Variants in PPARA observed in about 807,000 individuals in gnomAD.
The protein encoded by PPARA is peroxisome proliferator-activated receptor alpha.
A neutral mutation model predicts 42.2 loss-of-function variants in PPARA; 22 were observed. The ratio of observed to expected loss-of-function variants is 0.52; its 90% CI spans 0.37 to 0.74. PPARA has a LOEUF of 0.74. Among genes scored for constraint, PPARA ranks in the 30% least tolerant of loss-of-function variants. The probability of loss-of-function intolerance (pLI) is 0.00; values close to 1 mark genes in which losing one functional copy is unlikely to be tolerated. For synonymous variants in PPARA, 242 were observed against 239.3 expected (o/e 1.01, Z -0.10); for missense variants, 465 against 608.2 (o/e 0.76, Z 2.48).
At chr22:46,223,110 C>T (rs187309340) in intron 7 of PPARA, among the ~76,000 whole-genome samples, 9 of 152,254 alleles carry the variant, frequency 5.9e-5, no homozygotes, top group South Asian at 4.1e-4. Flanking sequence ...GAGCCACGAT[C>T]GCGCCACTGC....
rs5767700 is a variant in PPARA, at chr22:46,216,775, T to C, written c.369+1442T>C. Among the ~76,000 whole-genome samples the C allele has an allele frequency of 0.24, 37,097 of 152,158 alleles. 4,741 individuals are homozygous for C. The highest frequency in any genetic ancestry group is 0.33 in the African/African-American group (13,824 of 41,512). ...AGGCAGGCCCTGTTGTCCTGCATGCTGCCAGCTGGACTGGTGGCCCTTCCG... is the reference window on the plus strand; with the variant it reads ...AGGCAGGCCCTGTTGTCCTGCATGCCGCCAGCTGGACTGGTGGCCCTTCCG... On this transcript the variant is annotated intron_variant, in intron 5 of 8. Coordinates refer to ENST00000407236, the MANE Select transcript of PPARA (RefSeq NM_005036.6). The surrounding 1 kb of genome is among the most constrained non-coding windows in gnomAD (Gnocchi z 4.5).
At chr22:46,174,011 C>T (rs1928516527) in intron 2 of PPARA, among the ~76,000 whole-genome samples, 1 of 42,824 alleles carries the variant, frequency 2.3e-5, no homozygotes, top group Non-Finnish European at 4.1e-5. Flanking sequence ...GAGACCCTCT[C>T]TACTAAAATA....
At chr22:46,178,210 C>T (rs1469919913) in intron 3 of PPARA, among the ~76,000 whole-genome samples, 2 of 152,162 alleles carry the variant, frequency 1.3e-5, no homozygotes, top group Non-Finnish European at 2.9e-5. Context: ...TTCTATCTGT[C>T]AGAAGGTGAC....
chr22:46,197,508 G>C (rs975539459), intron 3 of PPARA, among the ~76,000 whole-genome samples: 1 of 152,190 alleles, frequency 6.6e-6, no homozygotes, highest in African/African-American at 2.4e-5. Flanking sequence ...CTTTCTCAGC[G>C]TGCTGATCAA....
intron 7 of PPARA, among the ~76,000 whole-genome samples, chr22:46,226,888 A>G (rs1469575189): frequency 6.6e-6 from 1 of 152,120 alleles, no homozygotes; most frequent in East Asian, 1.9e-4. Flanking sequence ...AAAAGAAAAA[A>G]AAAGTTGAGC....
chr22:46,162,647 AC>A lies in PPARA; in HGVS notation c.-127+10678del, dbSNP rs755888629. On this transcript the variant is annotated intron_variant, in intron 2 of 8. Coordinates refer to ENST00000407236, the MANE Select transcript of PPARA (RefSeq NM_005036.6). The surrounding 1 kb of genome is among the most constrained non-coding windows in gnomAD (Gnocchi z 6.0). ...GTGAGGCCAGAGTCCTTGGCTCATC[AC>A]TCATGGTTGAACCCGGAGCCTCTTG... 2.0e-5 allele frequency among the ~76,000 whole-genome samples: 3 copies of A among 151,908 alleles called. No homozygotes were observed. Among genetic ancestry groups the A allele is most frequent in the Non-Finnish European group, 4.4e-5 (3 of 67,990 alleles).
intron 3 of PPARA, among the ~76,000 whole-genome samples, chr22:46,185,566 T>C (rs984241494): frequency 1.3e-5 from 2 of 151,914 alleles, no homozygotes; most frequent in African/African-American, 2.4e-5. Flanking sequence ...AATCTAAAAA[T>C]TGAAGAAGAA....
intron 3 of PPARA, among the ~76,000 whole-genome samples, chr22:46,177,224 A>AAAT (rs750690685): frequency 6.6e-6 from 1 of 151,976 alleles, no homozygotes; most frequent in Non-Finnish European, 1.5e-5. Context: ...AAATAAAATA[A>AAAT]AATAAAATAA....
rs1414965205 is a variant in PPARA, at chr22:46,232,806, T to C, written c.1159+567T>C. 1.3e-5 allele frequency among the ~76,000 whole-genome samples: 2 copies of C among 148,208 alleles called. No individual in the cohort carries two copies. Among genetic ancestry groups the C allele is most frequent in the Admixed American group, 1.4e-4 (2 of 14,814 alleles). ...GCCTGGGCAACATGGCAAGACCCCG[T>C]CTCTACAAAAAAAAAAATAGAAAAA... On this transcript the variant is annotated intron_variant, in intron 8 of 8. Transcript: ENST00000407236. This position sits in a 1 kb window ranked among gnomAD's most constrained non-coding sequence, Gnocchi z 5.3.
Position 46,219,832 on chromosome 22 carries a change from C to T in PPARA, c.529C>T (p.Pro177Ser). Residue 177 changes from proline to serine, a missense_variant, in exon 7 of 9, where the codon CCA becomes TCA. Coordinates refer to ENST00000407236, the MANE Select transcript of PPARA (RefSeq NM_005036.6). The surrounding 1 kb of genome is among the most constrained non-coding windows in gnomAD (Gnocchi z 4.8). The stretch of plus-strand genomic sequence containing the variant: ...CCTAGCGATTCGTTTTGGACGAATG[C>T]CAAGATCTGAGAAAGCAAAACTGAA... ...SHNAIRFGRM[P>S]RSEKAKLKAE... 1 of 1,614,190 alleles carries T rather than the reference C, an allele frequency of 6.2e-7. No homozygotes were observed. Among genetic ancestry groups the T allele is most frequent in the Non-Finnish European group, 8.5e-7 (1 of 1,180,034 alleles).
chr22:46,177,028 G>A (rs1929200966), intron 3 of PPARA, among the ~76,000 whole-genome samples, 192 bp downstream of exon 3: 1 of 152,154 alleles, frequency 6.6e-6, no homozygotes, highest in South Asian at 2.1e-4. Context: ...GGCTAACACA[G>A]TGAAACCCTG....
rs1936248288 is a variant in PPARA, at chr22:46,237,296, C to T, written c.*1916C>T. On this transcript the variant is annotated 3_prime_UTR_variant, in exon 9 of 9. Transcript: ENST00000407236. The surrounding 1 kb of genome is among the most constrained non-coding windows in gnomAD (Gnocchi z 6.7). ...TTTTTTAAAAATTACAAATTTAGTC[C>T]GTTTTGGTTTTTGTAATCAGGCTAG... 1 of 151,982 alleles carries T rather than the reference C, an allele frequency of 6.6e-6. No individual in the cohort carries two copies. Among genetic ancestry groups the T allele is most frequent in the South Asian group, 2.1e-4 (1 of 4,822 alleles). 9.4% of individuals were successfully genotyped at this position (151,982 alleles called of 1,614,324 possible).
chr22:46,174,845 C>T (rs1174505932), intron 2 of PPARA, among the ~76,000 whole-genome samples: 1 of 152,072 alleles, frequency 6.6e-6, no homozygotes, highest in Non-Finnish European at 1.5e-5. Context: ...AAAATCACTC[C>T]TAATTTTCCT....
chr22:46,231,854 G>A lies in PPARA; in HGVS notation c.774G>A (p.Leu258=), dbSNP rs188672627. 3.1e-6 allele frequency: 5 copies of A among 1,613,974 alleles called. No homozygotes were observed. Among genetic ancestry groups the A allele is most frequent in the Admixed American group, 1.7e-5 (1 of 60,006 alleles). Residue 258 remains leucine, a synonymous_variant, in exon 8 of 9, where the codon CTG becomes CTA. Coordinates refer to ENST00000407236, the MANE Select transcript of PPARA (RefSeq NM_005036.6). The surrounding 1 kb of genome is among the most constrained non-coding windows in gnomAD (Gnocchi z 7.7). The part of the protein sequence containing the change: ...CMAEKTLVAK[L]VANGIQNKEA... ...CTGAGAAGACGCTGGTGGCCAAGCT[G>A]GTGGCCAATGGCATCCAGAACAAGG... is the stretch of plus-strand genomic sequence containing the variant.
At position 46,227,971 on chromosome 22, in the gene PPARA, A is replaced by T. The variant is rs1935588809; in HGVS notation, c.712-3821A>T. Among the ~76,000 whole-genome samples, 1 of 152,200 alleles carries T rather than the reference A, an allele frequency of 6.6e-6. No individual in the cohort carries two copies. The highest frequency in any genetic ancestry group is 1.5e-5 in the Non-Finnish European group (1 of 68,046). Reference sequence around the variant, plus strand: ...AGCTTTAATAAACATTGGTTTCTTCATGGTACCACTCATTTTGAATTCAGT... The same window carrying T: ...AGCTTTAATAAACATTGGTTTCTTCTTGGTACCACTCATTTTGAATTCAGT... On this transcript the variant is annotated intron_variant, in intron 7 of 8. Coordinates refer to ENST00000407236, the MANE Select transcript of PPARA (RefSeq NM_005036.6). This position sits in a 1 kb window ranked among gnomAD's most constrained non-coding sequence, Gnocchi z 4.3.
rs1936360168 is a variant in PPARA, at chr22:46,241,138, C to T, written c.*5758C>T. ...CCGAGTCCATGGCCTTTGCCCAGGG[C>T]ATGTACTCCCCTGAGAGGCCTTCTG... On this transcript the variant is annotated 3_prime_UTR_variant, in exon 9 of 9. Transcript: ENST00000407236. The surrounding 1 kb of genome is among the most constrained non-coding windows in gnomAD (Gnocchi z 5.7). 1.3e-5 allele frequency: 2 copies of T among 152,396 alleles called. No individual in the cohort carries two copies. The highest frequency in any genetic ancestry group is 4.1e-4 in the South Asian group (2 of 4,832). 9.4% of individuals were successfully genotyped at this position (152,396 alleles called of 1,614,324 possible). A position where few individuals can be genotyped will look rare whatever the true frequency, so the allele number is the denominator to read the frequency against.
rs543758270 is a variant in PPARA at position 46,231,641 on chromosome 22, T to C, written c.712-151T>C. 9 of 763,498 alleles carry C rather than the reference T, an allele frequency of 1.2e-5. No homozygotes were observed. Among genetic ancestry groups the C allele is most frequent in the Admixed American group, 6.7e-5 (3 of 45,104 alleles). 47.3% of individuals were successfully genotyped at this position (763,498 alleles called of 1,614,324 possible). A position where few individuals can be genotyped will look rare whatever the true frequency, so the allele number is the denominator to read the frequency against. On this transcript the variant is annotated intron_variant, in intron 7 of 8. Coordinates refer to ENST00000407236, the MANE Select transcript of PPARA (RefSeq NM_005036.6). The surrounding 1 kb of genome is among the most constrained non-coding windows in gnomAD (Gnocchi z 7.7). The stretch of plus-strand genomic sequence containing the variant: ...TTATTTTCCCCAACCGATTTTGAAG[T>C]TGAGTAAGGACTATGTTCCGCGGGT...
Position 46,232,714 on chromosome 22 carries a change from G to A in PPARA, c.1159+475G>A, listed in dbSNP as rs957695678. Reference sequence around the variant, plus strand: ...ATAGAGAAAAAGAGGTCGGACATGGGCCTGTAATCCCAGCCCTTTGGGAGG... The same window carrying A: ...ATAGAGAAAAAGAGGTCGGACATGGACCTGTAATCCCAGCCCTTTGGGAGG... On this transcript the variant is annotated intron_variant, in intron 8 of 8. Transcript: ENST00000407236. This position sits in a 1 kb window ranked among gnomAD's most constrained non-coding sequence, Gnocchi z 5.3. 2.6e-5 allele frequency among the ~76,000 whole-genome samples: 4 copies of A among 151,094 alleles called. No homozygotes were observed. Among genetic ancestry groups the A allele is most frequent in the Admixed American group, 2.6e-4 (4 of 15,136 alleles).
intron 2 of PPARA, among the ~76,000 whole-genome samples, chr22:46,158,458 C>G (rs2147113946): frequency 6.6e-6 from 1 of 152,224 alleles, no homozygotes; most frequent in South Asian, 2.1e-4. Flanking sequence ...GATAACCACG[C>G]CAAGGTGACA....
Sources: gnomAD v4.1 joint callset for allele counts (sites outside exome capture counted in the v4.1 genomes callset) on GRCh38, gnomAD v4.1.1 for gene constraint, Gnocchi (gnomAD v3.1) non-coding constraint, MANE v1.5 for transcripts, NCBI Gene and HGNC (gene_info 2026-07-23, HGNC 2026-07-21) for gene names.